Variants in SMOC2 observed in about 807,000 individuals in gnomAD.
The protein encoded by SMOC2 is SPARC related modular calcium binding 2.
Under a neutral mutation model 61.4 loss-of-function variants are expected in SMOC2, and 39 were observed. That is an observed-to-expected ratio of 0.64 (90% CI 0.49 to 0.83). SMOC2 has a LOEUF of 0.83. Among genes scored for constraint, SMOC2 ranks in the 40% least tolerant of loss-of-function variants. The probability of loss-of-function intolerance (pLI) is 0.00; values close to 1 mark genes in which losing one functional copy is unlikely to be tolerated. For synonymous variants in SMOC2, 247 were observed against 239.9 expected (o/e 1.03, Z -0.27); for missense variants, 556 against 592.9 (o/e 0.94, Z 0.65).
At chr6:168,513,138 A>G (rs1783048807) in intron 2 of SMOC2, among the ~76,000 whole-genome samples, 2 of 152,274 alleles carry the variant, frequency 1.3e-5, no homozygotes, top group African/African-American at 2.4e-5. Context: ...AACTTTGACT[A>G]TAGTAGCAGC....
chr6:168,603,307 A>G (rs1289652302), intron 8 of SMOC2, among the ~76,000 whole-genome samples: 2 of 142,534 alleles, frequency 1.4e-5, no homozygotes, highest in Non-Finnish European at 3.0e-5. Flanking sequence ...CAGCAGCATG[A>G]GAACAGATTA....
intron 7 of SMOC2, among the ~76,000 whole-genome samples, chr6:168,551,427 A>AT (rs200521536): frequency 8.4e-5 from 1 of 11,966 alleles, no homozygotes; most frequent in East Asian, 0.5. Context: ...ACTTTATTTT[A>AT]TTTATTTATT....
intron 11 of SMOC2, among the ~76,000 whole-genome samples, chr6:168,663,814 G>C (rs1279737528): frequency 2.0e-5 from 3 of 152,132 alleles, no homozygotes; most frequent in Non-Finnish European, 4.4e-5. Context: ...GTATATAGGA[G>C]GTGTTCAGAT....
intron 7 of SMOC2, among the ~76,000 whole-genome samples, chr6:168,578,071 G>A (rs1307256077): frequency 6.6e-6 from 1 of 152,204 alleles, no homozygotes; most frequent in African/African-American, 2.4e-5. Context: ...TAAAACCCAG[G>A]TACAATGACA....
At chr6:168,526,232 C>T (rs1783449377) in intron 2 of SMOC2, 114 bp from the exon 3 acceptor site, 4 of 900,816 alleles carry the variant, frequency 4.4e-6, no homozygotes, top group Non-Finnish European at 5.3e-6. Context: ...TTTCCAGCCT[C>T]CAGGTCCTCA....
intron 1 of SMOC2, among the ~76,000 whole-genome samples, chr6:168,451,973 A>C (rs1161920452): frequency 6.6e-6 from 1 of 152,188 alleles, no homozygotes; most frequent in Non-Finnish European, 1.5e-5. Flanking sequence ...TTTTTGGAAG[A>C]GGTGGAAGAG....
chr6:168,483,974 A>C (rs1301722015), intron 1 of SMOC2, among the ~76,000 whole-genome samples: 1 of 152,220 alleles, frequency 6.6e-6, no homozygotes, highest in Non-Finnish European at 1.5e-5. Context: ...GTAAGACCTA[A>C]AACTGTGAAA....
At chr6:168,664,348 T>C (rs2115295071) in intron 12 of SMOC2, 5 of 554,472 alleles carry the variant, frequency 9.0e-6, no homozygotes, top group South Asian at 8.9e-5. Flanking sequence ...CTTTCATTTA[T>C]TAAGAAAAAT....
chr6:168,471,028 ATAT>A (rs1052232926), intron 1 of SMOC2, among the ~76,000 whole-genome samples: 14 of 152,208 alleles, frequency 9.2e-5, no homozygotes, highest in Admixed American at 2.0e-4. Context: ...AAATTTTGTA[ATAT>A]TGTTGTAATT....
chr6:168,601,717 A>C (rs749114095), intron 8 of SMOC2, among the ~76,000 whole-genome samples: 55 of 152,160 alleles, frequency 3.6e-4, no homozygotes, highest in Non-Finnish European at 7.5e-4. Context: ...TAAGCTGTCA[A>C]ACCCAGAGCT....
chr6:168,624,108 C>T (rs917973685), intron 9 of SMOC2, among the ~76,000 whole-genome samples: 19 of 152,228 alleles, frequency 1.2e-4, no homozygotes. Flanking sequence ...TCAACAACCA[C>T]CACCACAACA....
intron 7 of SMOC2, among the ~76,000 whole-genome samples, chr6:168,596,532 G>A (rs1326342549): frequency 6.6e-6 from 1 of 152,194 alleles, no homozygotes; most frequent in South Asian, 2.1e-4. Flanking sequence ...ACACGGCAGT[G>A]CTGAGTTTCC....
chr6:168,522,198 C>A (rs978849873), intron 2 of SMOC2, among the ~76,000 whole-genome samples: 5 of 152,068 alleles, frequency 3.3e-5, no homozygotes, highest in Admixed American at 2.0e-4. Flanking sequence ...AACAGTGTAA[C>A]AAAGACAAAA....
intron 9 of SMOC2, among the ~76,000 whole-genome samples, chr6:168,628,556 A>G (rs1786479443): frequency 6.6e-6 from 1 of 152,202 alleles, no homozygotes; most frequent in South Asian, 2.1e-4. Flanking sequence ...TTGGAGAAAT[A>G]GTCTAAATTG....
chr6:168,476,854 A>G (rs150141478), intron 1 of SMOC2, among the ~76,000 whole-genome samples: 52 of 151,394 alleles, frequency 3.4e-4, no homozygotes, highest in African/African-American at 1.2e-3. Context: ...ATTTTAATAC[A>G]TATTATAGAA....
At chr6:168,527,091 C>T (rs753118556) in intron 3 of SMOC2, among the ~76,000 whole-genome samples, 20 of 152,172 alleles carry the variant, frequency 1.3e-4, no homozygotes, top group Non-Finnish European at 2.4e-4. Context: ...ATGCCTGGGG[C>T]CCATTGGGTG....
At chr6:168,595,009 TCGCCGAG>T (rs1427601066) in intron 7 of SMOC2, among the ~76,000 whole-genome samples, 6 of 97,358 alleles carry the variant, frequency 6.2e-5, no homozygotes, top group South Asian at 5.5e-4. Flanking sequence ...TTCTAGAGGA[TCGCCGAG>T]CTCCTCCTCC....
At chr6:168,568,225 G>A (rs1010657660) in intron 7 of SMOC2, among the ~76,000 whole-genome samples, 5 of 152,194 alleles carry the variant, frequency 3.3e-5, no homozygotes, top group African/African-American at 7.2e-5. Flanking sequence ...GGTGTGAGTC[G>A]GTGTCTCATA....
In SMOC2 at chr6:168,496,795, AGTT is replaced by A. The variant is rs542219894; in HGVS notation, c.85-13116_85-13114del. Among the ~76,000 whole-genome samples the A allele has an allele frequency of 2.0e-3, 300 of 152,334 alleles. 1 individual carries two copies. The highest frequency in any genetic ancestry group is 6.8e-3 in the African/African-American group (281 of 41,580). ...TCTGAGTGGGGTGTGATGGCTTTTC[AGTT>A]GTTCCATTTCAGAGGACTGTGGGGA... On this transcript the variant is annotated intron_variant, in intron 1 of 12. Coordinates refer to ENST00000356284, the MANE Select transcript of SMOC2 (RefSeq NM_001166412.2).
Sources: allele counts gnomAD v4.1 joint callset (sites outside exome capture counted in the v4.1 genomes callset), GRCh38; gene constraint gnomAD v4.1.1; transcripts MANE v1.5; gene names NCBI Gene and HGNC (gene_info 2026-07-23, HGNC 2026-07-21).